TSHZ2: variants seen among roughly 807,000 people sequenced by gnomAD.
The protein encoded by TSHZ2 is teashirt homolog 2.
In TSHZ2, 21 loss-of-function variants were observed where a neutral mutation model predicts 74.4. The ratio of observed to expected loss-of-function variants is 0.28; its 90% CI spans 0.20 to 0.41. The LOEUF is 0.41. Among genes scored for constraint, TSHZ2 ranks in the 10% least tolerant of loss-of-function variants. The pLI, the probability that TSHZ2 is intolerant of heterozygous loss-of-function variation, is 1.00. For missense variants in TSHZ2, 1,244 were observed against 1,293.5 expected (o/e 0.96, Z 0.59); for synonymous variants, 540 against 515.3 (o/e 1.05, Z -0.65).
intron 2 of TSHZ2, among the ~76,000 whole-genome samples, chr20:53,295,994 G>A (rs1342949939): frequency 1.4e-5 from 2 of 145,108 alleles, no homozygotes; most frequent in Non-Finnish European, 3.0e-5. Flanking sequence ...TAGCTAAGGT[G>A]AAGTTGAAGG....
intron 1 of TSHZ2, among the ~76,000 whole-genome samples, chr20:53,107,486 T>C (rs1028723720): frequency 2.0e-5 from 3 of 152,174 alleles, no homozygotes; most frequent in African/African-American, 7.2e-5. Context: ...CCTGAAGCCT[T>C]CTCTATGGGA....
At chr20:53,080,256 T>C (rs1374984323) in intron 1 of TSHZ2, among the ~76,000 whole-genome samples, 1 of 152,174 alleles carries the variant, frequency 6.6e-6, no homozygotes, top group East Asian at 1.9e-4. Flanking sequence ...TAACACCATT[T>C]TTTCCTCCCA....
At chr20:53,297,419 C>CT in intron 2 of TSHZ2, among the ~76,000 whole-genome samples, 1 of 152,078 alleles carries the variant, frequency 6.6e-6, no homozygotes, top group East Asian at 1.9e-4. Context: ...CCAGCTAATG[C>CT]TTTAATTAGC....
chr20:53,358,803 G>A (rs1442431219), intron 2 of TSHZ2, among the ~76,000 whole-genome samples: 1 of 152,144 alleles, frequency 6.6e-6, no homozygotes, highest in Non-Finnish European at 1.5e-5. Context: ...TGTGCCACTT[G>A]ATGAAGCAAA....
chr20:53,045,802 T>A lies in TSHZ2; in HGVS notation c.40+72469T>A, dbSNP rs180883800. Among the ~76,000 whole-genome samples, 3 of 152,262 alleles carry A rather than the reference T, an allele frequency of 2.0e-5. No individual in the cohort carries two copies. The East Asian group carries it at 5.8e-4, about 29-fold the overall frequency. ...TAAGAGAAAATCCATATAAAGCACT[T>A]AAATGAGTGCCTAGGACAGAGACAA... On this transcript the variant is annotated intron_variant, in intron 1 of 2. Transcript: ENST00000371497.
chr20:53,118,295 G>T (rs183096166), intron 1 of TSHZ2, among the ~76,000 whole-genome samples: 1 of 152,242 alleles, frequency 6.6e-6, no homozygotes, highest in East Asian at 1.9e-4. Context: ...GTGGGAAGAA[G>T]AGTTAAAATA....
intron 1 of TSHZ2, among the ~76,000 whole-genome samples, chr20:53,082,172 CT>C (rs1336432321): frequency 6.6e-6 from 1 of 152,182 alleles, no homozygotes; most frequent in Non-Finnish European, 1.5e-5. Context: ...CCAGAAAGGC[CT>C]TCACTCAAGA....
chr20:52,985,813 C>T (rs962787752), intron 1 of TSHZ2, among the ~76,000 whole-genome samples: 1 of 152,168 alleles, frequency 6.6e-6, no homozygotes, highest in African/African-American at 2.4e-5. Context: ...CTGACTCAAA[C>T]CATCGTCTCC....
At chr20:53,060,402 C>T (rs1600670461) in intron 1 of TSHZ2, among the ~76,000 whole-genome samples, 1 of 152,208 alleles carries the variant, frequency 6.6e-6, no homozygotes, top group Non-Finnish European at 1.5e-5. Context: ...AAAACAACCC[C>T]ATAGTTGCTT....
intron 1 of TSHZ2, among the ~76,000 whole-genome samples, chr20:53,059,001 G>A (rs1358497427): frequency 6.6e-6 from 1 of 152,192 alleles, no homozygotes; most frequent in Non-Finnish European, 1.5e-5. Flanking sequence ...TCATGCTAGT[G>A]ATTTTTATTA....
chr20:53,122,043 T>C (rs186523814), intron 1 of TSHZ2, among the ~76,000 whole-genome samples: 1 of 152,150 alleles, frequency 6.6e-6, no homozygotes, highest in Non-Finnish European at 1.5e-5. Context: ...TTCCAGCACT[T>C]TGGGAGGCCG....
chr20:53,001,961 A>G (rs1268055512), intron 1 of TSHZ2, among the ~76,000 whole-genome samples: 2 of 152,220 alleles, frequency 1.3e-5, no homozygotes, highest in Non-Finnish European at 2.9e-5. Context: ...GCTTAAAGGA[A>G]GTATAAAAAG....
chr20:53,323,460 A>G (rs1428332989), intron 2 of TSHZ2, among the ~76,000 whole-genome samples: 2 of 151,062 alleles, frequency 1.3e-5, no homozygotes, highest in Non-Finnish European at 1.5e-5. Flanking sequence ...TTTAATGGAA[A>G]AAGAAATAGG....
chr20:53,436,545 A>T (rs56043888), intron 2 of TSHZ2, among the ~76,000 whole-genome samples: 60,074 of 98,826 alleles, frequency 0.61, 19,252 homozygotes, highest in East Asian at 0.77. Flanking sequence ...TATTATTATT[A>T]TTATTTTTTT....
chr20:53,240,280 G>C (rs1990034466), intron 1 of TSHZ2, among the ~76,000 whole-genome samples: 1 of 152,132 alleles, frequency 6.6e-6, no homozygotes. Flanking sequence ...CTACGGCAAG[G>C]TGATTAGGTT....
intron 2 of TSHZ2, among the ~76,000 whole-genome samples, chr20:53,266,450 C>A (rs1285769917): frequency 1.3e-5 from 2 of 152,176 alleles, no homozygotes; most frequent in African/African-American, 4.8e-5. Context: ...TTCACCCCTC[C>A]ACTTACAGGA....
At chr20:53,053,327 C>T (rs1244153853) in intron 1 of TSHZ2, among the ~76,000 whole-genome samples, 2 of 151,612 alleles carry the variant, frequency 1.3e-5, no homozygotes, top group African/African-American at 2.4e-5. Context: ...TCTGCTATAC[C>T]CATTACTTTT....
chr20:53,047,442 G>T (rs1984267755), intron 1 of TSHZ2, among the ~76,000 whole-genome samples: 1 of 152,070 alleles, frequency 6.6e-6, no homozygotes, highest in South Asian at 2.1e-4. Flanking sequence ...ATTCCAGCCA[G>T]CAAGAAAGGA....
At chr20:53,068,380 C>T (rs535366449) in intron 1 of TSHZ2, among the ~76,000 whole-genome samples, 8 of 152,264 alleles carry the variant, frequency 5.3e-5, no homozygotes, top group African/African-American at 1.7e-4. Context: ...CCAAACTCCA[C>T]TGGACTTCTC....
Sources: gnomAD v4.1 joint callset for allele counts (sites outside exome capture counted in the v4.1 genomes callset) on GRCh38, gnomAD v4.1.1 for gene constraint, MANE v1.5 for transcripts, NCBI Gene and HGNC (gene_info 2026-07-23, HGNC 2026-07-21) for gene names.